Variants in NTM observed in about 807,000 individuals in gnomAD.
The protein encoded by NTM is IgLON family member 2.
In NTM, 13 loss-of-function variants were observed where a neutral mutation model predicts 42.1. That is an observed-to-expected ratio of 0.31 (90% CI 0.20 to 0.49). The LOEUF (loss-of-function observed/expected upper bound fraction) is 0.49, where lower values mean the gene tolerates loss of function less well. NTM is among the 20% of genes least tolerant of loss of function. The pLI, the probability that NTM is intolerant of heterozygous loss-of-function variation, is 0.99. For synonymous variants in NTM, 187 were observed against 179.2 expected (o/e 1.04, Z -0.35); for missense variants, 373 against 452.8 (o/e 0.82, Z 1.60).
intron 2 of NTM, among the ~76,000 whole-genome samples, chr11:132,072,204 C>A (rs1324757569): frequency 6.6e-6 from 1 of 152,158 alleles, no homozygotes; most frequent in Non-Finnish European, 1.5e-5. Context: ...GCTGCAAACC[C>A]CCCAAGCAGC....
intron 1 of NTM, among the ~76,000 whole-genome samples, chr11:131,445,065 C>G (rs1295476271): frequency 1.3e-5 from 2 of 152,224 alleles, no homozygotes; most frequent in South Asian, 4.1e-4. Flanking sequence ...ATTGGAATTT[C>G]ACATCAATTA....
intron 2 of NTM, among the ~76,000 whole-genome samples, chr11:131,970,729 A>G (rs2063419058): frequency 6.6e-6 from 1 of 152,184 alleles, no homozygotes; most frequent in African/African-American, 2.4e-5. Flanking sequence ...TTTTTACCAC[A>G]GATGCAGGGT....
chr11:131,774,571 G>A (rs1241747463), intron 1 of NTM, among the ~76,000 whole-genome samples: 1 of 151,982 alleles, frequency 6.6e-6, no homozygotes. Context: ...GAATACATGA[G>A]GAGTGTAAGA....
At chr11:131,448,465 A>G (rs1052939189) in intron 1 of NTM, among the ~76,000 whole-genome samples, 2 of 152,170 alleles carry the variant, frequency 1.3e-5, no homozygotes, top group Non-Finnish European at 2.9e-5. Context: ...TGGCCCTTCC[A>G]GGGAGGCCAG....
At chr11:131,973,291 G>A (rs115754015) in intron 2 of NTM, among the ~76,000 whole-genome samples, 1,756 of 152,258 alleles carry the variant, frequency 0.012, 33 homozygotes, top group African/African-American at 0.04. Flanking sequence ...ATTCTGCAGC[G>A]GTAACTCAGG....
intron 1 of NTM, among the ~76,000 whole-genome samples, chr11:131,591,273 G>T (rs1174391716): frequency 6.6e-6 from 1 of 152,216 alleles, no homozygotes; most frequent in Non-Finnish European, 1.5e-5. Flanking sequence ...GGTCCCTGGG[G>T]AAAGGGGGGC....
chr11:132,310,356 G>C, intron 6 of NTM, 124 bp downstream of exon 6: 1 of 890,004 alleles, frequency 1.1e-6, no homozygotes, highest in South Asian at 2.9e-5. Flanking sequence ...TATCTCTATA[G>C]GGGGCAAATG....
intron 2 of NTM, among the ~76,000 whole-genome samples, chr11:131,919,625 C>T (rs992893563): frequency 1.1e-4 from 16 of 152,230 alleles, no homozygotes; most frequent in African/African-American, 3.9e-4. Context: ...TGTAATCTCT[C>T]CACCCTGCAT....
intron 1 of NTM, among the ~76,000 whole-genome samples, chr11:131,441,823 G>A (rs546808928): frequency 2.6e-5 from 4 of 152,264 alleles, no homozygotes; most frequent in South Asian, 4.2e-4. Context: ...TTTCCAGCAC[G>A]GCTGTCTCTG....
intron 1 of NTM, among the ~76,000 whole-genome samples, chr11:131,582,849 C>T (rs1020492528): frequency 9.9e-5 from 15 of 152,104 alleles, no homozygotes; most frequent in African/African-American, 3.1e-4. Context: ...GTAATGCCAT[C>T]GCAGCAGAGC....
At chr11:132,244,560 C>G (rs767675933) in intron 4 of NTM, among the ~76,000 whole-genome samples, 92 of 152,314 alleles carry the variant, frequency 6.0e-4, no homozygotes, top group Middle Eastern at 3.4e-3. Context: ...TACACTTTAT[C>G]TCTCTCTGGC....
intron 7 of NTM, among the ~76,000 whole-genome samples, chr11:132,324,940 A>C (rs1456157619): frequency 6.6e-6 from 1 of 151,458 alleles, no homozygotes; most frequent in Non-Finnish European, 1.5e-5. Flanking sequence ...TATTTAATAA[A>C]TGGTGCTGGG....
intron 7 of NTM, among the ~76,000 whole-genome samples, chr11:132,321,730 A>G (rs1292588045): frequency 5.3e-5 from 8 of 151,124 alleles, no homozygotes; most frequent in Admixed American, 2.6e-4. Context: ...TAATTGTCAG[A>G]TTCACCAAAG....
chr11:131,813,272 G>A (rs1455691928), intron 1 of NTM, among the ~76,000 whole-genome samples: 1 of 152,248 alleles, frequency 6.6e-6, no homozygotes, highest in South Asian at 2.1e-4. Flanking sequence ...CAAACTAATA[G>A]CATCTGTGCT....
chr11:131,636,973 C>G (rs2064480950), intron 1 of NTM, among the ~76,000 whole-genome samples: 1 of 152,098 alleles, frequency 6.6e-6, no homozygotes, highest in Admixed American at 6.6e-5. Context: ...AGATTGTCAT[C>G]TTTGAGATGA....
intron 1 of NTM, among the ~76,000 whole-genome samples, chr11:131,596,839 T>C (rs1195732782): frequency 6.6e-6 from 1 of 152,166 alleles, no homozygotes; most frequent in Non-Finnish European, 1.5e-5. Flanking sequence ...GTTTATTAAG[T>C]ATTAACTCAC....
intron 1 of NTM, among the ~76,000 whole-genome samples, chr11:131,872,846 T>A (rs2047931993): frequency 6.6e-6 from 1 of 152,180 alleles, no homozygotes; most frequent in South Asian, 2.1e-4. Context: ...TTATAATCCT[T>A]TATGCATATA....
intron 1 of NTM, among the ~76,000 whole-genome samples, chr11:131,896,807 G>A (rs556989052): frequency 1.5e-4 from 23 of 149,956 alleles, no homozygotes; most frequent in African/African-American, 5.4e-4. Flanking sequence ...TCCTGCCTCA[G>A]CCTCCGGAGT....
intron 1 of NTM, among the ~76,000 whole-genome samples, chr11:131,549,162 G>GT (rs1228995674): frequency 6.6e-6 from 1 of 152,114 alleles, no homozygotes; most frequent in Non-Finnish European, 1.5e-5. Flanking sequence ...GAAGAAAGCT[G>GT]TATCTTTTTC....
Sources: allele counts gnomAD v4.1 joint callset (sites outside exome capture counted in the v4.1 genomes callset), GRCh38; gene constraint gnomAD v4.1.1; transcripts MANE v1.5; gene names NCBI Gene and HGNC (gene_info 2026-07-23, HGNC 2026-07-21).